Variants in CFAP52 observed in about 807,000 individuals in gnomAD.
The protein encoded by CFAP52 is cilia and flagella associated protein 52.
In CFAP52, 57 loss-of-function variants were observed where a neutral mutation model predicts 70.5. The observed-to-expected ratio is 0.81, with a 90% CI of 0.65 to 1.01. CFAP52 has a LOEUF of 1.01. Ranked by LOEUF, CFAP52 falls within the 50% of genes least tolerant of loss-of-function variation. The probability of loss-of-function intolerance (pLI) is 0.00; values close to 1 mark genes in which losing one functional copy is unlikely to be tolerated. For synonymous variants in CFAP52, 267 were observed against 292.5 expected (o/e 0.91, Z 0.89); for missense variants, 785 against 788.5 (o/e 1.00, Z 0.05).
intron 13 of CFAP52, among the ~76,000 whole-genome samples, chr17:9,642,323 G>A (rs905853008): frequency 4.6e-5 from 7 of 152,264 alleles, no homozygotes; most frequent in African/African-American, 1.7e-4. Flanking sequence ...GATTCATCAG[G>A]ATATTAACAA....
intron 7 of CFAP52, 78 bp from the exon 8 acceptor site, chr17:9,612,231 C>G (rs1418474208): frequency 2.0e-6 from 3 of 1,526,054 alleles, no homozygotes; most frequent in African/African-American, 2.7e-5. Context: ...TGATTTGTAT[C>G]CTCTGCCATG....
chr17:9,633,553 TAC>T (rs1910646382), intron 10 of CFAP52, among the ~76,000 whole-genome samples: 1 of 152,160 alleles, frequency 6.6e-6, no homozygotes, highest in Non-Finnish European at 1.5e-5. Flanking sequence ...ACGTTTACAA[TAC>T]AGACATGAAA....
At chr17:9,616,154 A>AGCCGAAGCAGGTCGAGGCATT (rs1909906382) in intron 8 of CFAP52, among the ~76,000 whole-genome samples, 1 of 142,112 alleles carries the variant, frequency 7.0e-6, no homozygotes, top group Non-Finnish European at 1.5e-5. Context: ...ACCGTGCGCG[A>AGCCGAAGCAGGTCGAGGCATT]GCCGAAGCAG....
chr17:9,590,635 G>A (rs1908703977), intron 3 of CFAP52, among the ~76,000 whole-genome samples: 1 of 152,074 alleles, frequency 6.6e-6, no homozygotes, highest in Non-Finnish European at 1.5e-5. Flanking sequence ...CTTGGAGCTA[G>A]GCCATTAGGC....
chr17:9,584,693 C>A (rs1030805186), intron 1 of CFAP52, among the ~76,000 whole-genome samples: 10 of 149,824 alleles, frequency 6.7e-5, no homozygotes, highest in Admixed American at 1.3e-4. Flanking sequence ...GTGATCTCGG[C>A]TCACTGCAAC....
intron 1 of CFAP52, among the ~76,000 whole-genome samples, chr17:9,581,827 A>G (rs1906267265): frequency 6.6e-6 from 1 of 152,228 alleles, no homozygotes; most frequent in Non-Finnish European, 1.5e-5. Flanking sequence ...TAATTGGCTC[A>G]GCCAATCAGA....
rs1317112547 is a variant in CFAP52 at position 9,636,243 on chromosome 17, GAAAGAAAGAGAA to G, written c.1472+689_1472+700del. On this transcript the variant is annotated intron_variant, in intron 11 of 13. Coordinates refer to ENST00000352665, the MANE Select transcript of CFAP52 (RefSeq NM_145054.5). ...AGAAAGAAAGAAAGAAAGAAAGAAA[GAAAGAAAGAGAA>G]AGAAAAATAACTAATGCAGGCAGTG... 1.4e-3 allele frequency among the ~76,000 whole-genome samples: 182 copies of G among 128,866 alleles called. 6 individuals carry two copies. The highest frequency in any genetic ancestry group is 5.3e-3 in the African/African-American group (168 of 31,696). 84.5% of individuals were successfully genotyped at this position (128,866 alleles called of 152,430 possible).
rs369620992 is a variant in CFAP52 at position 9,638,598 on chromosome 17, C to A, written c.1473-11C>A. ...AAGTCGACTTTCACAGCTTTTGAAT[C>A]TACTTTCCAGGCGTCTCAGGAGGAA... On this transcript the variant is annotated splice_polypyrimidine_tract_variant and intron_variant, in intron 11 of 13. Transcript: ENST00000352665. 7.4e-5 allele frequency: 119 copies of A among 1,612,576 alleles called. 1 individual carries two copies. The South Asian group carries it at 1.3e-3, about 17-fold the overall frequency.
In CFAP52 at chr17:9,589,137, A is replaced by G. The variant is rs142481098; in HGVS notation, c.407+2303A>G. 2.7e-3 allele frequency among the ~76,000 whole-genome samples: 410 copies of G among 152,280 alleles called. 3 individuals are homozygous for G. Among genetic ancestry groups the G allele is most frequent in the African/African-American group, 9.5e-3 (396 of 41,570 alleles). On this transcript the variant is annotated intron_variant, in intron 3 of 13. Transcript: ENST00000352665. Reference sequence around the variant, plus strand: ...AATAAACAAACAAAATATATTAGGAAGAACAATCAATGCAAGACATTCCTA... The same window carrying G: ...AATAAACAAACAAAATATATTAGGAGGAACAATCAATGCAAGACATTCCTA...
In CFAP52 at chr17:9,612,451, G is replaced by A. The variant is rs1201094620; in HGVS notation, c.997G>A (p.Asp333Asn). ...KETLIATCHFDAVEDIVFPFG... is the reference protein window; with the variant it reads ...KETLIATCHFNAVEDIVFPFG... ...GACGCTCATAGCGACTTGTCACTTTGATGCTGTCGAGGATATTGTCTTTCC... is the reference window on the plus strand; with the variant it reads ...GACGCTCATAGCGACTTGTCACTTTAATGCTGTCGAGGATATTGTCTTTCC... Residue 333 changes from aspartate (D) to asparagine (N), a missense_variant, in exon 8 of 14, where the codon GAT becomes AAT. Coordinates refer to ENST00000352665, the MANE Select transcript of CFAP52 (RefSeq NM_145054.5). 8.7e-6 allele frequency: 14 copies of A among 1,614,114 alleles called. 1 individual carries two copies. Among genetic ancestry groups the A allele is most frequent in the Non-Finnish European group, 1.0e-5 (12 of 1,180,016 alleles).
rs757506984 is a variant in CFAP52 at position 9,628,780 on chromosome 17, C to T, written c.1134C>T (p.His378=). ...LRITVPNMTC[H]GIDFMRDGKS... The stretch of plus-strand genomic sequence containing the variant: ...TCACCGTGCCCAACATGACCTGCCA[C>T]GGCATCGACTTCATGAGGGACGGCA... The change falls in exon 9 of 14, where the codon CAC becomes CAT. Residue 378 remains histidine (H), a synonymous_variant. Coordinates refer to ENST00000352665, the MANE Select transcript of CFAP52 (RefSeq NM_145054.5). The T allele has an allele frequency of 1.4e-5, 23 of 1,614,052 alleles. No homozygotes were observed. The highest frequency in any genetic ancestry group is 5.3e-5 in the African/African-American group (4 of 74,918).
At chr17:9,636,548 T>A (rs1910812717) in intron 11 of CFAP52, among the ~76,000 whole-genome samples, 1 of 152,194 alleles carries the variant, frequency 6.6e-6, no homozygotes, top group Admixed American at 6.5e-5. Flanking sequence ...GCTGTGTTTT[T>A]ATTTTAGAAT....
intron 3 of CFAP52, among the ~76,000 whole-genome samples, chr17:9,592,874 C>T (rs1908829303): frequency 6.6e-6 from 1 of 152,152 alleles, no homozygotes. Context: ...GGATACGAGG[C>T]ACTTCTTTTG....
intron 3 of CFAP52, 88 bp from the exon 4 acceptor site, chr17:9,594,105 T>A (rs1305380574): frequency 1.4e-6 from 2 of 1,462,604 alleles, no homozygotes; most frequent in Non-Finnish European, 1.8e-6. Flanking sequence ...TGTTTTTTTC[T>A]TTCTAGAACC....
At chr17:9,580,474 G>A (rs1178723687) in intron 1 of CFAP52, among the ~76,000 whole-genome samples, 1 of 152,066 alleles carries the variant, frequency 6.6e-6, no homozygotes. Flanking sequence ...GATTCCTTGA[G>A]GCCAGGAGTT....
At position 9,596,057 on chromosome 17, in the gene CFAP52, G is replaced by GTGTATGTA. The variant is rs1555541588; in HGVS notation, c.536+1741_536+1742insGTATGTAT. On this transcript the variant is annotated intron_variant, in intron 4 of 13. Coordinates refer to ENST00000352665, the MANE Select transcript of CFAP52 (RefSeq NM_145054.5). The stretch of plus-strand genomic sequence containing the variant: ...TATATGTATGTAGATATATATGTGT[G>GTGTATGTA]TGTATATATATATATATATATATAT... Among the ~76,000 whole-genome samples, 4 of 103,584 alleles carry GTGTATGTA rather than the reference G, an allele frequency of 3.9e-5. No homozygotes were observed. In the East Asian group the frequency reaches 9.7e-4, roughly 25 times the overall value. 68.0% of individuals were successfully genotyped at this position (103,584 alleles called of 152,430 possible).
At chr17:9,644,257 C>T (rs545317134), downstream of CFAP52, among the ~76,000 whole-genome samples, 2 of 152,256 alleles carry the variant, frequency 1.3e-5, no homozygotes, top group African/African-American at 4.8e-5. Flanking sequence ...AGGCATGCGC[C>T]ACCACGCCTG....
intron 9 of CFAP52, among the ~76,000 whole-genome samples, chr17:9,629,487 CTTTCTTTCTTTTCT>C (rs1303000227): frequency 2.2e-5 from 3 of 133,586 alleles, no homozygotes; most frequent in Non-Finnish European, 4.6e-5. Flanking sequence ...TTCTTTCTTT[CTTTCTTTCTTTTCT>C]TTTCTTTCTT....
chr17:9,633,823 C>A lies in CFAP52; in HGVS notation c.1320+790C>A, dbSNP rs576432580. Among the ~76,000 whole-genome samples the A allele has an allele frequency of 2.6e-5, 4 of 151,984 alleles. No individual in the cohort carries two copies. In the East Asian group the frequency reaches 7.8e-4, roughly 30 times the overall value. On this transcript the variant is annotated intron_variant, in intron 10 of 13. Transcript: ENST00000352665. ...TCCTGAGTAGCTGGGACTACAGGTG[C>A]CTGCCACCACGCCCAGCTAATTTTT...
Sources: gnomAD v4.1 joint callset for allele counts (sites outside exome capture counted in the v4.1 genomes callset) on GRCh38, gnomAD v4.1.1 for gene constraint, MANE v1.5 for transcripts, NCBI Gene and HGNC (gene_info 2026-07-23, HGNC 2026-07-21) for gene names.